FSTL5: variants seen among roughly 807,000 people sequenced by gnomAD.
FSTL5 encodes the protein follistatin like 5, also known as follistatin-related protein 5.
Under a neutral mutation model 89.1 loss-of-function variants are expected in FSTL5, and 62 were observed. The ratio of observed to expected loss-of-function variants is 0.70; its 90% CI spans 0.57 to 0.86. FSTL5 has a LOEUF of 0.86. Ranked by LOEUF, FSTL5 falls within the 40% of genes least tolerant of loss-of-function variation. FSTL5 has a pLI of 0.00. For missense variants in FSTL5, 1,057 were observed against 1,001.6 expected, an observed-to-expected ratio of 1.06 and a Z score of -0.75; for synonymous variants, 383 against 346.2, an observed-to-expected ratio of 1.11 and a Z score of -1.18.
intron 3 of FSTL5, among the ~76,000 whole-genome samples, chr4:161,965,077 G>A (rs888271679): frequency 1.3e-5 from 2 of 151,930 alleles, no homozygotes; most frequent in African/African-American, 4.8e-5. Flanking sequence ...TAATTCGTAA[G>A]CATACATTAA....
intron 4 of FSTL5, among the ~76,000 whole-genome samples, chr4:161,840,528 G>A (rs1219502004): frequency 1.3e-5 from 2 of 152,124 alleles, no homozygotes; most frequent in Non-Finnish European, 2.9e-5. Context: ...CTAATCCTCA[G>A]GTAGTAGTCC....
chr4:161,411,510 C>T (rs542312326), intron 15 of FSTL5, among the ~76,000 whole-genome samples: 8 of 152,252 alleles, frequency 5.3e-5, no homozygotes, highest in African/African-American at 1.7e-4. Context: ...GGCTTTATTC[C>T]TGGCATGCAG....
At chr4:161,976,541 GTGC>G (rs1184746498) in intron 3 of FSTL5, among the ~76,000 whole-genome samples, 5 of 152,080 alleles carry the variant, frequency 3.3e-5, no homozygotes, top group African/African-American at 4.8e-5. Flanking sequence ...GAGTGCAGTG[GTGC>G]CATCTCGGCT....
chr4:162,096,132 A>C (rs1266798838), intron 2 of FSTL5, among the ~76,000 whole-genome samples: 2 of 151,984 alleles, frequency 1.3e-5, no homozygotes, highest in Non-Finnish European at 2.9e-5. Flanking sequence ...TTAATGCAAT[A>C]ACGCTTCCAA....
intron 7 of FSTL5, among the ~76,000 whole-genome samples, chr4:161,628,553 G>A (rs1478695887): frequency 6.6e-6 from 1 of 152,024 alleles, no homozygotes; most frequent in Non-Finnish European, 1.5e-5. Flanking sequence ...GATTAACCAA[G>A]GATGAATGAT....
At chr4:161,971,690 G>T (rs1735488764) in intron 3 of FSTL5, among the ~76,000 whole-genome samples, 1 of 152,124 alleles carries the variant, frequency 6.6e-6, no homozygotes, top group Admixed American at 6.5e-5. Context: ...AAGGACATCA[G>T]TCATGGTCTA....
chr4:162,020,402 C>T (rs1387473778), intron 3 of FSTL5, among the ~76,000 whole-genome samples: 1 of 152,036 alleles, frequency 6.6e-6, no homozygotes, highest in Non-Finnish European at 1.5e-5. Context: ...CCTCAGTCTT[C>T]GTTCACATAT....
At chr4:161,618,032 C>G (rs1319017643) in intron 7 of FSTL5, among the ~76,000 whole-genome samples, 1 of 151,952 alleles carries the variant, frequency 6.6e-6, no homozygotes, top group Non-Finnish European at 1.5e-5. Context: ...TTGAAGAGGT[C>G]CTTCACGTCC....
chr4:162,085,568 C>T (rs1730283774), intron 2 of FSTL5, among the ~76,000 whole-genome samples: 1 of 152,122 alleles, frequency 6.6e-6, no homozygotes. Context: ...TGTATGGAGA[C>T]ATCTCCAGCA....
At chr4:161,809,077 G>C (rs1730062010) in intron 4 of FSTL5, among the ~76,000 whole-genome samples, 1 of 152,104 alleles carries the variant, frequency 6.6e-6, no homozygotes, top group African/African-American at 2.4e-5. Flanking sequence ...AAATTAGCCA[G>C]GCTTGGTGGC....
At chr4:161,726,576 T>C (rs1374535212) in intron 6 of FSTL5, among the ~76,000 whole-genome samples, 1 of 152,132 alleles carries the variant, frequency 6.6e-6, no homozygotes, top group Admixed American at 6.5e-5. Flanking sequence ...AAAGATCACA[T>C]GTGCATTATG....
chr4:161,917,578 C>T (rs1198892583), intron 4 of FSTL5, among the ~76,000 whole-genome samples: 1 of 151,934 alleles, frequency 6.6e-6, no homozygotes, highest in Non-Finnish European at 1.5e-5. Context: ...GTTTTATTTC[C>T]ACTGTTTGCG....
intron 5 of FSTL5, among the ~76,000 whole-genome samples, chr4:161,771,680 C>A (rs900796475): frequency 1.3e-5 from 2 of 152,046 alleles, no homozygotes; most frequent in Admixed American, 6.6e-5. Context: ...TCAGTTATAA[C>A]CTGTTTTAAT....
chr4:161,645,799 C>T (rs1736134310), intron 7 of FSTL5, among the ~76,000 whole-genome samples: 1 of 151,966 alleles, frequency 6.6e-6, no homozygotes, highest in African/African-American at 2.4e-5. Context: ...TTCTCTGATT[C>T]CACTTGGATT....
At chr4:161,999,023 TA>T (rs1251181209) in intron 3 of FSTL5, among the ~76,000 whole-genome samples, 2 of 152,164 alleles carry the variant, frequency 1.3e-5, no homozygotes, top group Non-Finnish European at 2.9e-5. Context: ...AAGGCTTGTC[TA>T]ACCTCCCCAC....
intron 5 of FSTL5, among the ~76,000 whole-genome samples, chr4:161,766,955 G>A (rs372689127): frequency 7.1e-4 from 103 of 145,048 alleles, no homozygotes; most frequent in African/African-American, 2.3e-3. Flanking sequence ...TAGATAGATA[G>A]ATCTCACTCC....
At chr4:161,418,669 A>T (rs1011314861) in intron 15 of FSTL5, among the ~76,000 whole-genome samples, 1 of 152,208 alleles carries the variant, frequency 6.6e-6, no homozygotes. Flanking sequence ...GGTGATGTTC[A>T]TATTACTTTG....
intron 7 of FSTL5, among the ~76,000 whole-genome samples, chr4:161,652,868 G>T (rs1031881105): frequency 1.3e-5 from 2 of 151,826 alleles, no homozygotes; most frequent in South Asian, 4.1e-4. Context: ...GACATGAAAG[G>T]CACTTATTAA....
intron 7 of FSTL5, among the ~76,000 whole-genome samples, chr4:161,606,042 A>C (rs1371120099): frequency 6.6e-6 from 1 of 152,098 alleles, no homozygotes. Flanking sequence ...AGACTAGCTT[A>C]CTGGAAGATG....
Sources: gnomAD v4.1 joint callset for allele counts (sites outside exome capture counted in the v4.1 genomes callset) on GRCh38, gnomAD v4.1.1 for gene constraint, MANE v1.5 for transcripts, NCBI Gene and HGNC (gene_info 2026-07-23, HGNC 2026-07-21) for gene names.